Variants in CSPP1 observed in about 807,000 individuals in gnomAD.
The protein encoded by CSPP1 is centrosome and spindle pole-associated protein 1.
In CSPP1, 126 loss-of-function variants were observed where a neutral mutation model predicts 164.4. That is an observed-to-expected ratio of 0.77 (90% CI 0.66 to 0.89). The LOEUF (loss-of-function observed/expected upper bound fraction) is 0.89, where lower values mean the gene tolerates loss of function less well. CSPP1 is among the 40% of genes least tolerant of loss of function. The pLI, the probability that CSPP1 is intolerant of heterozygous loss-of-function variation, is 0.00. For synonymous variants in CSPP1, 472 were observed against 476.7 expected (o/e 0.99, Z 0.13); for missense variants, 1,395 against 1,449.8 (o/e 0.96, Z 0.61).
At chr8:67,113,524 T>C (rs1467275662) in intron 10 of CSPP1, among the ~76,000 whole-genome samples, 1 of 152,168 alleles carries the variant, frequency 6.6e-6, no homozygotes, top group African/African-American at 2.4e-5. Flanking sequence ...AAATATTTTA[T>C]TTTTGTGTTT....
intron 12 of CSPP1, among the ~76,000 whole-genome samples, chr8:67,115,495 C>T (rs762603618): frequency 2.2e-4 from 34 of 152,196 alleles, no homozygotes; most frequent in South Asian, 8.3e-4. Context: ...GCCTTGCCAA[C>T]GTGGCGAAAC....
At chr8:67,113,064 T>A (rs1201495942) in intron 10 of CSPP1, among the ~76,000 whole-genome samples, 1 of 152,098 alleles carries the variant, frequency 6.6e-6, no homozygotes, top group Non-Finnish European at 1.5e-5. Flanking sequence ...GCTAACACGG[T>A]GAAACCCCGT....
intron 1 of CSPP1, among the ~76,000 whole-genome samples, chr8:67,068,025 T>C (rs1427190158): frequency 6.6e-6 from 1 of 152,074 alleles, no homozygotes; most frequent in African/African-American, 2.4e-5. Context: ...AATTTTTGTA[T>C]TTTTAGTGGA....
At chr8:67,088,321 T>C (rs918089260) in intron 4 of CSPP1, among the ~76,000 whole-genome samples, 1 of 151,784 alleles carries the variant, frequency 6.6e-6, no homozygotes, top group African/African-American at 2.4e-5. Flanking sequence ...AGAGTCTTGC[T>C]CTGTCGCCCA....
chr8:67,085,813 G>A (rs942433519), intron 3 of CSPP1, among the ~76,000 whole-genome samples, 194 bp from the exon 4 acceptor site: 5 of 152,042 alleles, frequency 3.3e-5, no homozygotes, highest in Non-Finnish European at 5.9e-5. Flanking sequence ...TCATGGATGA[G>A]AATGATATTT....
At chr8:67,194,614 TCC>T (rs1837367895) in intron 30 of CSPP1, among the ~76,000 whole-genome samples, 1 of 151,986 alleles carries the variant, frequency 6.6e-6, no homozygotes. Flanking sequence ...TTTAACATTG[TCC>T]TTTCAAACAG....
intron 15 of CSPP1, among the ~76,000 whole-genome samples, chr8:67,123,683 C>A (rs903088912): frequency 6.6e-6 from 1 of 150,498 alleles, no homozygotes; most frequent in Non-Finnish European, 1.5e-5. Flanking sequence ...GATCACAGAG[C>A]TCACTGCAGC....
At chr8:67,164,320 G>T in intron 23 of CSPP1, 71 bp from the exon 24 acceptor site, 1 of 741,342 alleles carries the variant, frequency 1.3e-6, no homozygotes, top group Non-Finnish European at 2.4e-6. Context: ...TATTAGTCAG[G>T]TTGTGTTTTA....
chr8:67,106,242 AT>A (rs1319894220), intron 9 of CSPP1, among the ~76,000 whole-genome samples: 1 of 151,926 alleles, frequency 6.6e-6, no homozygotes, highest in African/African-American at 2.4e-5. Context: ...AAGCTAAATT[AT>A]TTAGTGATGT....
intron 19 of CSPP1, 45 bp downstream of exon 19, chr8:67,154,181 T>G: frequency 1.1e-6 from 1 of 935,022 alleles, no homozygotes; most frequent in Non-Finnish European, 1.7e-6. Flanking sequence ...GAGATTTTAA[T>G]AAACAAAACT....
At position 67,179,885 on chromosome 8, in the gene CSPP1, T is replaced by G; in HGVS notation, c.3179T>G (p.Phe1060Cys). The G allele has an allele frequency of 6.3e-7, 1 of 1,595,242 alleles. No homozygotes were observed. Among genetic ancestry groups the G allele is most frequent in the South Asian group, 1.1e-5 (1 of 90,504 alleles). Reference sequence around the variant, plus strand: ...TAGCCCAGAGATGACACTAGTGATTTCTTGAAAAACTCATTATTGGAATCT... The same window carrying G: ...TAGCCCAGAGATGACACTAGTGATTGCTTGAAAAACTCATTATTGGAATCT... ...QRMPRDDTSD[F>C]LKNSLLESDS... is the part of the protein sequence containing the mutation. The change falls in exon 28 of 31, where the codon TTC becomes TGC. Residue 1060 changes from phenylalanine (F) to cysteine (C), a missense_variant. Coordinates refer to ENST00000678616, the MANE Select transcript of CSPP1 (RefSeq NM_001382391.1).
intron 15 of CSPP1, among the ~76,000 whole-genome samples, chr8:67,126,020 C>T (rs141376434): frequency 4.8e-4 from 73 of 152,132 alleles, no homozygotes; most frequent in African/African-American, 1.7e-3. Flanking sequence ...TTGCTAGAGA[C>T]GGGGTTTTGC....
chr8:67,191,141 A>G (rs1271349639), intron 29 of CSPP1, among the ~76,000 whole-genome samples: 1 of 152,214 alleles, frequency 6.6e-6, no homozygotes, highest in East Asian at 1.9e-4. Context: ...ATGACTTGCC[A>G]AGGTCACATG....
rs1282941977 is a variant in CSPP1 at position 67,111,992 on chromosome 8, A to T, written c.1114A>T (p.Ile372Phe). ...MLFGGEDREL[I>F]QRRKEKYRLE... ...TCTAGGAGGTGAAGATCGAGAACTTATTCAGAGAAGGAAAGAGAAATACAG... is the reference window on the plus strand; with the variant it reads ...TCTAGGAGGTGAAGATCGAGAACTTTTTCAGAGAAGGAAAGAGAAATACAG... Residue 372 changes from isoleucine to phenylalanine, a missense_variant, in exon 10 of 31, where the codon ATT (isoleucine) becomes TTT (phenylalanine). By Grantham distance (21) the Ile-to-Phe change is conservative (BLOSUM62 0). Coordinates refer to ENST00000678616, the MANE Select transcript of CSPP1 (RefSeq NM_001382391.1). 6.2e-7 allele frequency: 1 copy of T among 1,610,272 alleles called. No individual in the cohort carries two copies.
At chr8:67,121,428 C>T (rs1024653040) in intron 15 of CSPP1, among the ~76,000 whole-genome samples, 1 of 151,764 alleles carries the variant, frequency 6.6e-6, no homozygotes, top group Non-Finnish European at 1.5e-5. Flanking sequence ...TTGTGATGAT[C>T]ATGTTTTTTT....
chr8:67,094,666 C>T (rs1812356546), intron 6 of CSPP1, among the ~76,000 whole-genome samples: 1 of 152,044 alleles, frequency 6.6e-6, no homozygotes, highest in Non-Finnish European at 1.5e-5. Context: ...CAGGCTCAAG[C>T]AATCCACTGG....
rs762818148 is a variant in CSPP1 at position 67,195,589 on chromosome 8, G to T, written c.3677G>T (p.Gly1226Val). Residue 1226 changes from glycine (G) to valine (V), a missense_variant, in exon 31 of 31, where the codon GGT becomes GTT. Physicochemically the swap from Gly to Val is moderately radical, Grantham distance 109 (BLOSUM62 -3). Coordinates refer to ENST00000678616, the MANE Select transcript of CSPP1 (RefSeq NM_001382391.1). ...TGGCAGGGCCTGTCGACTGCACATG[G>T]TTAAAATAAACCTGTACTGGACCCA... ...FTWQGLSTAH[G>V] is the part of the protein sequence containing the mutation. 1.2e-6 allele frequency: 2 copies of T among 1,613,490 alleles called. No homozygotes were observed. The highest frequency in any genetic ancestry group is 1.7e-6 in the Non-Finnish European group (2 of 1,179,494).
At chr8:67,081,517 A>G (rs1390149203) in intron 3 of CSPP1, among the ~76,000 whole-genome samples, 1 of 152,234 alleles carries the variant, frequency 6.6e-6, no homozygotes, top group Non-Finnish European at 1.5e-5. Context: ...AAAGTGATCT[A>G]TAAAAGATCT....
intron 28 of CSPP1, 117 bp from the exon 29 acceptor site, chr8:67,190,533 T>C (rs753987160): frequency 5.6e-6 from 4 of 720,074 alleles, no homozygotes; most frequent in Non-Finnish European, 1.0e-5. Flanking sequence ...GTACATACAT[T>C]GAGTGTGTTT....
Sources: allele counts gnomAD v4.1 joint callset (sites outside exome capture counted in the v4.1 genomes callset), GRCh38; gene constraint gnomAD v4.1.1; transcripts MANE v1.5; gene names NCBI Gene and HGNC (gene_info 2026-07-23, HGNC 2026-07-21).